Variants in PDGFD observed in about 807,000 individuals in gnomAD.
The protein encoded by PDGFD is platelet-derived growth factor D.
A neutral mutation model predicts 44.7 loss-of-function variants in PDGFD; 30 were observed. The observed-to-expected ratio is 0.67, with a 90% CI of 0.50 to 0.91. The LOEUF (loss-of-function observed/expected upper bound fraction) is 0.91. PDGFD is among the 40% of genes least tolerant of loss of function. The pLI, the probability that PDGFD is intolerant of heterozygous loss-of-function variation, is 0.00. For missense variants in PDGFD, 445 were observed against 457.8 expected (o/e 0.97, Z 0.25); for synonymous variants, 173 against 168.4 (o/e 1.03, Z -0.21).
At position 103,908,122 on chromosome 11, in the gene PDGFD, A is replaced by G. The variant is rs970550702; in HGVS notation, c.*1572T>C. ...ACTGGTTGTAGTTAGTAGGACCACA[A>G]AGTCACTGAAGAAATCTGCTTTCCT... On this transcript the variant is annotated 3_prime_UTR_variant, in exon 7 of 7. Coordinates refer to ENST00000393158, the MANE Select transcript of PDGFD (RefSeq NM_025208.5). 6.6e-6 allele frequency: 1 copy of G among 152,204 alleles called. No homozygotes were observed. The highest frequency in any genetic ancestry group is 1.5e-5 in the Non-Finnish European group (1 of 68,030). The allele number at this position is 152,204 out of a possible 1,614,324, so 9.4% of individuals were successfully genotyped here.
intron 1 of PDGFD, among the ~76,000 whole-genome samples, chr11:104,106,586 G>C (rs542807910): frequency 6.6e-6 from 1 of 152,180 alleles, no homozygotes; most frequent in East Asian, 1.9e-4. Flanking sequence ...TTCTGTGCAA[G>C]GAACTTTGTT....
rs1028934070 is a variant in PDGFD, at chr11:104,049,476, T to C, written c.125-49221A>G. Among the ~76,000 whole-genome samples the C allele has an allele frequency of 3.3e-5, 5 of 152,186 alleles. No individual in the cohort carries two copies. The East Asian group carries it at 9.6e-4, about 29-fold the overall frequency. On this transcript the variant is annotated intron_variant, in intron 1 of 6. Transcript: ENST00000393158. ...TCTAAATAAGGGGTTTGAATTTCATTCTAAGTGTTATGGCTTTTAGGGGTT... is the reference window on the plus strand; with the variant it reads ...TCTAAATAAGGGGTTTGAATTTCATCCTAAGTGTTATGGCTTTTAGGGGTT...
intron 1 of PDGFD, among the ~76,000 whole-genome samples, chr11:104,121,128 C>T (rs2134463513): frequency 6.6e-6 from 1 of 152,110 alleles, no homozygotes; most frequent in South Asian, 2.1e-4. Context: ...TCTCCCACTG[C>T]TTTTCATTAA....
At chr11:104,058,912 T>A (rs1293111817) in intron 1 of PDGFD, among the ~76,000 whole-genome samples, 3 of 152,152 alleles carry the variant, frequency 2.0e-5, no homozygotes, top group Non-Finnish European at 4.4e-5. Context: ...TTCCATTATA[T>A]GATACTCACA....
chr11:104,055,429 A>G (rs1174428890), intron 1 of PDGFD, among the ~76,000 whole-genome samples: 1 of 152,216 alleles, frequency 6.6e-6, no homozygotes, highest in Non-Finnish European at 1.5e-5. Flanking sequence ...TGAAAATAAA[A>G]CTAATAGTAA....
At chr11:104,087,021 C>CTTTTTTTTTTT (rs528848924) in intron 1 of PDGFD, among the ~76,000 whole-genome samples, 4 of 103,206 alleles carry the variant, frequency 3.9e-5, no homozygotes, top group Admixed American at 1.3e-4. Flanking sequence ...GGCTCTTAGT[C>CTTTTTTTTTTT]TTTTTTTTTT....
chr11:104,113,790 C>T (rs1455311927), intron 1 of PDGFD, among the ~76,000 whole-genome samples: 2 of 152,066 alleles, frequency 1.3e-5, no homozygotes, highest in Non-Finnish European at 1.5e-5. Flanking sequence ...GGTGTTATCA[C>T]TGCTCTGGAT....
At chr11:104,014,883 T>C (rs1859837674) in intron 1 of PDGFD, among the ~76,000 whole-genome samples, 1 of 152,198 alleles carries the variant, frequency 6.6e-6, no homozygotes, top group African/African-American at 2.4e-5. Flanking sequence ...AGACCCAAAG[T>C]AATTCCTCAC....
intron 1 of PDGFD, among the ~76,000 whole-genome samples, chr11:104,152,293 T>C (rs1862258642): frequency 6.6e-6 from 1 of 152,210 alleles, no homozygotes; most frequent in Non-Finnish European, 1.5e-5. Flanking sequence ...TTAACAAATG[T>C]TTACAAATCC....
chr11:104,105,284 T>C (rs1016168075), intron 1 of PDGFD, among the ~76,000 whole-genome samples: 1 of 152,146 alleles, frequency 6.6e-6, no homozygotes, highest in African/African-American at 2.4e-5. Context: ...TGCCCCAAAA[T>C]TCCAGTCTTT....
intron 1 of PDGFD, chr11:104,037,690 G>T (rs1449426411): frequency 1.2e-6 from 2 of 1,614,144 alleles, no homozygotes; most frequent in Admixed American, 3.3e-5. Context: ...GGCTGGGGTT[G>T]CTAAAGGAGT....
intron 6 of PDGFD, among the ~76,000 whole-genome samples, chr11:103,926,524 T>C (rs1226067760): frequency 6.6e-6 from 1 of 152,198 alleles, no homozygotes; most frequent in African/African-American, 2.4e-5. Context: ...AATGATATAA[T>C]TGAATTAAGG....
intron 3 of PDGFD, among the ~76,000 whole-genome samples, chr11:103,979,290 C>T (rs260831): frequency 0.74 from 112,508 of 151,968 alleles, 42,808 homozygotes; most frequent in African/African-American, 0.9. Context: ...CGGTAACTCA[C>T]TTTGTTCCCT....
rs577735493 is a variant in PDGFD, at chr11:104,099,659, A to AT, written c.124+64144dup. Reference sequence around the variant, plus strand: ...AACAATAATAATAATAATAATAATAATAATAATAATAATAATAAATCAAAC... The same window carrying AT: ...AACAATAATAATAATAATAATAATAATTAATAATAATAATAATAAATCAAAC... On this transcript the variant is annotated intron_variant, in intron 1 of 6. Transcript: ENST00000393158. Among the ~76,000 whole-genome samples the AT allele has an allele frequency of 9.2e-3, 1,364 of 148,998 alleles. 26 individuals carry two copies. Among genetic ancestry groups the AT allele is most frequent in the African/African-American group, 0.032 (1,303 of 40,842 alleles).
At chr11:104,094,179 C>T (rs1015144840) in intron 1 of PDGFD, among the ~76,000 whole-genome samples, 3 of 152,020 alleles carry the variant, frequency 2.0e-5, no homozygotes, top group Non-Finnish European at 4.4e-5. Flanking sequence ...TATCTTGATA[C>T]CCTAGCTTTC....
At chr11:104,151,246 G>A (rs1187489806) in intron 1 of PDGFD, among the ~76,000 whole-genome samples, 2 of 151,864 alleles carry the variant, frequency 1.3e-5, no homozygotes, top group Non-Finnish European at 2.9e-5. Context: ...AACTGGTCCT[G>A]TATCCATATT....
In PDGFD at chr11:104,069,629, G is replaced by A. The variant is rs144899952; in HGVS notation, c.125-69374C>T. Among the ~76,000 whole-genome samples, 958 of 151,772 alleles carry A rather than the reference G, an allele frequency of 6.3e-3. 8 individuals carry two copies. Among genetic ancestry groups the A allele is most frequent in the African/African-American group, 0.022 (892 of 41,126 alleles). On this transcript the variant is annotated intron_variant, in intron 1 of 6. Transcript: ENST00000393158. ...TAATCCCAGCACTTTGGGAGTTCGA[G>A]GCCAGCGGATCACGAGGTCAGGAGA...
At chr11:104,020,840 A>G (rs1859938059) in intron 1 of PDGFD, among the ~76,000 whole-genome samples, 1 of 152,144 alleles carries the variant, frequency 6.6e-6, no homozygotes, top group Non-Finnish European at 1.5e-5. Flanking sequence ...TTTTAACTTC[A>G]GTTCTGAAAA....
intron 1 of PDGFD, among the ~76,000 whole-genome samples, chr11:104,050,502 C>T (rs547724601): frequency 1.1e-3 from 173 of 152,226 alleles, no homozygotes; most frequent in African/African-American, 3.1e-3. Flanking sequence ...CAGCACTGGA[C>T]CAGATAAGAT....
Sources: gnomAD v4.1 joint callset for allele counts (sites outside exome capture counted in the v4.1 genomes callset) on GRCh38, gnomAD v4.1.1 for gene constraint, MANE v1.5 for transcripts, NCBI Gene and HGNC (gene_info 2026-07-23, HGNC 2026-07-21) for gene names.